PABIR2: variants seen among roughly 807,000 people sequenced by gnomAD.
PABIR2 encodes the protein PABIR family member 2, also known as family with sequence similarity 122B.
A neutral mutation model predicts 22.8 loss-of-function variants in PABIR2; 7 were observed. The ratio of observed to expected loss-of-function variants is 0.31; its 90% CI spans 0.17 to 0.58. The LOEUF (loss-of-function observed/expected upper bound fraction) is 0.58, where lower values mean the gene tolerates loss of function less well. PABIR2 is among the 20% of genes least tolerant of loss of function. The pLI, the probability that PABIR2 is intolerant of heterozygous loss-of-function variation, is 0.89. For missense variants in PABIR2, 155 were observed against 205.1 expected (o/e 0.76, Z 1.49); for synonymous variants, 67 against 73.8 (o/e 0.91, Z 0.47).
chrX:134,772,296 C>A lies in PABIR2; in HGVS notation c.660-13G>T, dbSNP rs1417307203. The stretch of plus-strand genomic sequence containing the variant: ...CAAAATATCTGAACTGAAGACAAAG[C>A]AAAAAGAATTATAAGCAAATGCAAC... On this transcript the variant is annotated splice_polypyrimidine_tract_variant and intron_variant, in intron 9 of 9. Coordinates refer to ENST00000343004, the MANE Select transcript of PABIR2 (RefSeq NM_001387468.1). 3 of 1,169,750 alleles carry A rather than the reference C, an allele frequency of 2.6e-6. No homozygotes were observed. The highest frequency in any genetic ancestry group is 4.8e-5 in the Admixed American group (2 of 41,333).
At chrX:134,781,634 T>C (rs1421485955) in intron 9 of PABIR2, among the ~76,000 whole-genome samples, 187 bp downstream of exon 9, 1 of 111,768 alleles carries the variant, frequency 8.9e-6, no homozygotes, top group Non-Finnish European at 1.9e-5. Context: ...CTCTTTGCAA[T>C]GGTGTTTTGA....
At chrX:134,784,428 C>T (rs1303899915) in intron 8 of PABIR2, among the ~76,000 whole-genome samples, 7 of 110,031 alleles carry the variant, frequency 6.4e-5, no homozygotes, top group Non-Finnish European at 1.3e-4. Flanking sequence ...CACGCCACTA[C>T]ACTCCAGAGT....
intron 8 of PABIR2, among the ~76,000 whole-genome samples, chrX:134,784,759 C>A (rs2079262812): frequency 9.0e-6 from 1 of 111,227 alleles, no homozygotes; most frequent in Admixed American, 9.6e-5. Flanking sequence ...TATTACAGAC[C>A]TGTATTGCCT....
intron 9 of PABIR2, among the ~76,000 whole-genome samples, chrX:134,776,330 T>C (rs941265384): frequency 9.9e-5 from 11 of 111,555 alleles, no homozygotes; most frequent in Non-Finnish European, 1.7e-4. Flanking sequence ...AAGTTTTCCG[T>C]TCATAAAAAA....
intron 8 of PABIR2, among the ~76,000 whole-genome samples, chrX:134,783,318 T>G (rs997313258): frequency 8.9e-6 from 1 of 112,527 alleles, no homozygotes; most frequent in African/African-American, 3.2e-5. Flanking sequence ...TATGATCCTA[T>G]GATTGGAAAG....
chrX:134,775,233 A>G, intron 9 of PABIR2, among the ~76,000 whole-genome samples: 1 of 111,726 alleles, frequency 9.0e-6, no homozygotes, highest in Non-Finnish European at 1.9e-5. Flanking sequence ...CACACAACCA[A>G]AAGTACTTAT....
intron 7 of PABIR2, among the ~76,000 whole-genome samples, chrX:134,786,772 G>A (rs1224568256): frequency 1.8e-5 from 2 of 110,286 alleles, no homozygotes; most frequent in South Asian, 7.7e-4. Flanking sequence ...CCAACATGGT[G>A]AAACCCTATC....
chrX:134,773,321 T>G (rs1004967162), intron 9 of PABIR2, among the ~76,000 whole-genome samples: 4 of 109,995 alleles, frequency 3.6e-5, no homozygotes, highest in African/African-American at 1.3e-4. Flanking sequence ...ACACTAGATA[T>G]TAGAAATACA....
At chrX:134,778,145 C>A (rs1186103002) in intron 9 of PABIR2, among the ~76,000 whole-genome samples, 1 of 103,162 alleles carries the variant, frequency 9.7e-6, no homozygotes, top group Non-Finnish European at 2.0e-5. Context: ...CCGCCCACCT[C>A]GGCCTCCCAA....
At chrX:134,777,935 G>A (rs1433598184) in intron 9 of PABIR2, among the ~76,000 whole-genome samples, 1 of 97,499 alleles carries the variant, frequency 1.0e-5, no homozygotes, top group Non-Finnish European at 2.1e-5. Context: ...TGTTGCCCAG[G>A]CTGGATGGAG....
At position 134,796,282 on chromosome X, in the gene PABIR2, C is replaced by T. The variant is rs2079809504; in HGVS notation, c.-77G>A. 1 of 669,269 alleles carries T rather than the reference C, an allele frequency of 1.5e-6. No individual in the cohort carries two copies. Among genetic ancestry groups the T allele is most frequent in the East Asian group, 6.6e-5 (1 of 15,078 alleles). The allele number at this position is 669,269 out of a possible 1,213,427, so 55.2% of individuals were successfully genotyped here. Reference sequence around the variant, plus strand: ...CTATGGACTCCCAAGACTCTCACTGCAGGACTGAGCTGCTGGGGACTGGCA... The same window carrying T: ...CTATGGACTCCCAAGACTCTCACTGTAGGACTGAGCTGCTGGGGACTGGCA... On this transcript the variant is annotated 5_prime_UTR_variant, in exon 1 of 10. Transcript: ENST00000343004.
In PABIR2 at chrX:134,770,266, G is replaced by C. The variant is rs761101933; in HGVS notation, c.*1873C>G. 1 of 111,990 alleles carries C rather than the reference G, an allele frequency of 8.9e-6. No individual in the cohort carries two copies. Among genetic ancestry groups the C allele is most frequent in the South Asian group, 3.8e-4 (1 of 2,654 alleles). The allele number at this position is 111,990 out of a possible 1,213,427, so 9.2% of individuals were successfully genotyped here. A position where few individuals can be genotyped will look rare whatever the true frequency, so the allele number is the denominator to read the frequency against. On this transcript the variant is annotated 3_prime_UTR_variant, in exon 10 of 10. Transcript: ENST00000343004. Reference sequence around the variant, plus strand: ...CAGAATAGATACACTGCATACCATCGAAGAATTTTTTCTTTATAATGGCAT... The same window carrying C: ...CAGAATAGATACACTGCATACCATCCAAGAATTTTTTCTTTATAATGGCAT...
chrX:134,773,190 A>C (rs2078879207), intron 9 of PABIR2, among the ~76,000 whole-genome samples: 1 of 111,106 alleles, frequency 9.0e-6, no homozygotes, highest in South Asian at 3.8e-4. Flanking sequence ...TCTGGCATCA[A>C]GCTGCCTTTC....
chrX:134,779,431 A>C (rs916792351), intron 9 of PABIR2, among the ~76,000 whole-genome samples: 1 of 110,867 alleles, frequency 9.0e-6, no homozygotes, highest in Middle Eastern at 4.7e-3. Flanking sequence ...GTCTCAAAAA[A>C]ATAAAATAAA....
At chrX:134,795,553 C>T (rs1283425426) in intron 1 of PABIR2, among the ~76,000 whole-genome samples, 2 of 112,095 alleles carry the variant, frequency 1.8e-5, no homozygotes, top group Non-Finnish European at 3.8e-5. Flanking sequence ...CCCTAAGCTA[C>T]AGACCACCCT....
rs904010911 is a variant in PABIR2 at position 134,771,413 on chromosome X, T to C, written c.*726A>G. The stretch of plus-strand genomic sequence containing the variant: ...AGGGCAACAGGTTTGAGGAGAAATA[T>C]ATCAACTGTGGTAGCAAAGTCATAA... On this transcript the variant is annotated 3_prime_UTR_variant, in exon 10 of 10. Coordinates refer to ENST00000343004, the MANE Select transcript of PABIR2 (RefSeq NM_001387468.1). The C allele has an allele frequency of 2.7e-6, 3 of 1,123,364 alleles. No individual in the cohort carries two copies. The highest frequency in any genetic ancestry group is 1.9e-5 in the African/African-American group (1 of 53,975). The allele number at this position is 1,123,364 out of a possible 1,213,427, so 92.6% of individuals were successfully genotyped here. A position where few individuals can be genotyped will look rare whatever the true frequency, so the allele number is the denominator to read the frequency against.
intron 6 of PABIR2, among the ~76,000 whole-genome samples, chrX:134,788,151 T>C (rs865907598): frequency 1.0e-5 from 1 of 97,338 alleles, no homozygotes; most frequent in African/African-American, 3.9e-5. Flanking sequence ...ATATATACGT[T>C]ATATATGTGT....
At chrX:134,788,091 TAATA>T (rs1461248585) in intron 6 of PABIR2, among the ~76,000 whole-genome samples, 9 of 102,249 alleles carry the variant, frequency 8.8e-5, no homozygotes, top group African/African-American at 3.1e-4. Context: ...GTTATATGTG[TAATA>T]TATACACGTT....
chrX:134,782,224 A>T (rs1569426126), intron 8 of PABIR2, among the ~76,000 whole-genome samples: 2 of 111,986 alleles, frequency 1.8e-5, no homozygotes, highest in Non-Finnish European at 3.8e-5. Flanking sequence ...AGTAGAGATA[A>T]GGAATTCCCA....
Sources: gnomAD v4.1 joint callset for allele counts (sites outside exome capture counted in the v4.1 genomes callset) on GRCh38, gnomAD v4.1.1 for gene constraint, MANE v1.5 for transcripts, NCBI Gene and HGNC (gene_info 2026-07-23, HGNC 2026-07-21) for gene names.